Variants in UACA observed in about 807,000 individuals in gnomAD.
UACA encodes the protein uveal autoantigen with coiled-coil domains and ankyrin repeats, also known as nuclear membrane binding protein.
Under a neutral mutation model 160.5 loss-of-function variants are expected in UACA, and 112 were observed. That is an observed-to-expected ratio of 0.70 (90% CI 0.60 to 0.82). The LOEUF (loss-of-function observed/expected upper bound fraction) is 0.82. Ranked by LOEUF, UACA falls within the 40% of genes least tolerant of loss-of-function variation. The probability of loss-of-function intolerance (pLI) is 0.00; values close to 1 mark genes in which losing one functional copy is unlikely to be tolerated. For synonymous variants in UACA, 557 were observed against 568.4 expected (o/e 0.98, Z 0.29); for missense variants, 1,574 against 1,614.6 (o/e 0.97, Z 0.43).
At chr15:70,701,454 C>A (rs958603420) in intron 1 of UACA, among the ~76,000 whole-genome samples, 1 of 152,260 alleles carries the variant, frequency 6.6e-6, no homozygotes, top group Non-Finnish European at 1.5e-5. Flanking sequence ...TCTATCCTTA[C>A]AATTAAAACA....
chr15:70,724,711 A>G (rs1899094211), intron 1 of UACA, among the ~76,000 whole-genome samples: 1 of 152,094 alleles, frequency 6.6e-6, no homozygotes, highest in South Asian at 2.1e-4. Flanking sequence ...TGACCTTTTT[A>G]TAGATTAAAC....
At chr15:70,695,359 A>G (rs947629940) in intron 2 of UACA, among the ~76,000 whole-genome samples, 5 of 152,176 alleles carry the variant, frequency 3.3e-5, no homozygotes, top group African/African-American at 1.2e-4. Context: ...AAGCCTTAAT[A>G]AGAGAAAATT....
At chr15:70,749,492 C>G (rs549784963) in intron 1 of UACA, among the ~76,000 whole-genome samples, 19 of 150,524 alleles carry the variant, frequency 1.3e-4, no homozygotes, top group African/African-American at 4.4e-4. Context: ...CGCCACCGCA[C>G]TCTGGCCTGG....
In UACA at chr15:70,668,626, T is replaced by C. The variant is rs761443025; in HGVS notation, c.2058A>G (p.Glu686=). ...CTAATCTGCTCTTAACCTGTTCATG[T>C]TCCTCTGGTTTGACGTGCTGAGCAA... The part of the protein sequence containing the change: ...AKLAQHVKPE[E]HEQVKSRLEQ... Residue 686 remains glutamate, a synonymous_variant, in exon 16 of 19, where the codon GAA becomes GAG. Coordinates refer to ENST00000322954, the MANE Select transcript of UACA (RefSeq NM_018003.4). The C allele has an allele frequency of 6.2e-7, 1 of 1,614,042 alleles. No individual in the cohort carries two copies. Among genetic ancestry groups the C allele is most frequent in the South Asian group, 1.1e-5 (1 of 91,084 alleles).
At chr15:70,700,722 A>T (rs1468268043) in intron 1 of UACA, among the ~76,000 whole-genome samples, 1 of 152,056 alleles carries the variant, frequency 6.6e-6, no homozygotes, top group Non-Finnish European at 1.5e-5. Context: ...TAGAACTAAA[A>T]TACATGTTAC....
rs71152307 is a variant in UACA, at chr15:70,659,395, G to GTTTTTTTT, written c.4179+748_4179+755dup. 6.2e-3 allele frequency among the ~76,000 whole-genome samples: 116 copies of GTTTTTTTT among 18,684 alleles called. 12 individuals are homozygous for GTTTTTTTT. The highest frequency in any genetic ancestry group is 8.6e-3 in the Non-Finnish European group (89 of 10,354). 12.3% of individuals were successfully genotyped at this position (18,684 alleles called of 152,430 possible). On this transcript the variant is annotated intron_variant, in intron 18 of 18. Coordinates refer to ENST00000322954, the MANE Select transcript of UACA (RefSeq NM_018003.4). ...TCTTTCCCTTCTTCATTTTTTGTTT[G>GTTTTTTTT]TTTTTTTTTTTTTTTTTTTTTTTTT...
At chr15:70,718,176 T>C (rs778789228) in intron 1 of UACA, among the ~76,000 whole-genome samples, 17 of 148,902 alleles carry the variant, frequency 1.1e-4, no homozygotes, top group Middle Eastern at 3.4e-3. Context: ...CAGAAAGTTA[T>C]GATATATTGT....
intron 17 of UACA, among the ~76,000 whole-genome samples, chr15:70,662,333 T>TAC (rs1482589101): frequency 1.1e-4 from 16 of 152,106 alleles, no homozygotes; most frequent in Admixed American, 2.0e-4. Context: ...CATGGCAAAC[T>TAC]ACAAACCACT....
intron 13 of UACA, among the ~76,000 whole-genome samples, chr15:70,673,864 T>C (rs1464376137): frequency 2.0e-5 from 3 of 152,192 alleles, no homozygotes; most frequent in East Asian, 3.9e-4. Flanking sequence ...TGTTGGTTGG[T>C]TGGTTGGTTG....
At chr15:70,768,050 A>C (rs2031058137), upstream of UACA, 1 of 152,238 alleles carries the variant, frequency 6.6e-6, no homozygotes, top group Admixed American at 6.5e-5. Context: ...AGCTCACCAA[A>C]GGCTGCATCT....
chr15:70,684,361 C>G lies in UACA; in HGVS notation c.688G>C (p.Asp230His). 1.2e-6 allele frequency: 2 copies of G among 1,613,826 alleles called. No individual in the cohort carries two copies. The highest frequency in any genetic ancestry group is 1.7e-6 in the Non-Finnish European group (2 of 1,179,816). ...IKNGADISLLDALGHDSSYYA... is the reference protein window; with the variant it reads ...IKNGADISLLHALGHDSSYYA... ...TAAGAACTATCATGGCCAAGCGCAT[C>G]CAGCAAGCTTATATCAGCACCATTT... is the stretch of plus-strand genomic sequence containing the variant. Residue 230 changes from aspartate to histidine, a missense_variant, in exon 8 of 19, where the codon GAT becomes CAT. Physicochemically the swap from Asp to His is moderately conservative, Grantham distance 81. Transcript: ENST00000322954.
chr15:70,678,941 T>C (rs1181283970), intron 10 of UACA, among the ~76,000 whole-genome samples: 1 of 152,180 alleles, frequency 6.6e-6, no homozygotes, highest in East Asian at 1.9e-4. Context: ...TAAACACAAA[T>C]GTATGGTTTA....
intron 1 of UACA, among the ~76,000 whole-genome samples, chr15:70,710,904 C>T (rs2140979054): frequency 6.6e-6 from 1 of 152,332 alleles, no homozygotes; most frequent in East Asian, 1.9e-4. Context: ...CTTTTTACAT[C>T]ACTGGCCATT....
At chr15:70,765,715 A>C, upstream of UACA, among the ~76,000 whole-genome samples, 1 of 152,234 alleles carries the variant, frequency 6.6e-6, no homozygotes, top group South Asian at 2.1e-4. Context: ...TGTTTGTTCT[A>C]TGTATTTATG....
At chr15:70,720,345 T>C (rs1898952929) in intron 1 of UACA, among the ~76,000 whole-genome samples, 1 of 152,222 alleles carries the variant, frequency 6.6e-6, no homozygotes, top group Non-Finnish European at 1.5e-5. Context: ...TCTTGCTTTG[T>C]TGCCCAAGCT....
chr15:70,778,643 A>G, the UACA span: 1 of 152,236 alleles, frequency 6.6e-6, no homozygotes, highest in Non-Finnish European at 1.5e-5. Context: ...AATCACATCT[A>G]CAAAGACCCC....
At chr15:70,704,305 C>T (rs1898463755) in intron 1 of UACA, among the ~76,000 whole-genome samples, 1 of 152,202 alleles carries the variant, frequency 6.6e-6, no homozygotes, top group Non-Finnish European at 1.5e-5. Flanking sequence ...AGTAAACTAT[C>T]CACATTCAGA....
chr15:70,680,318 C>G (rs900074636), intron 9 of UACA, among the ~76,000 whole-genome samples: 4 of 151,826 alleles, frequency 2.6e-5, no homozygotes, highest in Non-Finnish European at 5.9e-5. Flanking sequence ...ACCCCCCTTT[C>G]AAAAAAACCA....
intron 1 of UACA, 129 bp downstream of exon 1, chr15:70,763,201 G>A (rs1456054927): frequency 1.9e-6 from 2 of 1,059,474 alleles, no homozygotes; most frequent in South Asian, 6.4e-5. Flanking sequence ...TCAGGGAGGA[G>A]TCGCCAGGGC....
Sources: allele counts gnomAD v4.1 joint callset (sites outside exome capture counted in the v4.1 genomes callset), GRCh38; gene constraint gnomAD v4.1.1; transcripts MANE v1.5; gene names NCBI Gene and HGNC (gene_info 2026-07-23, HGNC 2026-07-21).